The following CTNNA2 variants were observed in gnomAD, a reference collection of about 807,000 sequenced individuals.
CTNNA2 encodes catenin alpha-2.
Under a neutral mutation model 101.0 loss-of-function variants are expected in CTNNA2, and 42 were observed. That is an observed-to-expected ratio of 0.42 (90% CI 0.32 to 0.54). The LOEUF is 0.54. CTNNA2 is among the 20% of genes least tolerant of loss of function. The pLI, the probability that CTNNA2 is intolerant of heterozygous loss-of-function variation, is 0.14. For synonymous variants in CTNNA2, 450 were observed against 456.4 expected, an observed-to-expected ratio of 0.99 and a Z score of 0.18; for missense variants, 871 against 1,223.1, an observed-to-expected ratio of 0.71 and a Z score of 4.29.
chr2:79,969,404 C>T (rs1056524421), intron 7 of CTNNA2, among the ~76,000 whole-genome samples: 6 of 152,206 alleles, frequency 3.9e-5, no homozygotes, highest in Non-Finnish European at 8.8e-5. Context: ...AGCTAATTCA[C>T]TAAGCACTTT....
chr2:80,427,008 G>T (rs1002218538), intron 9 of CTNNA2, among the ~76,000 whole-genome samples: 2 of 152,118 alleles, frequency 1.3e-5, no homozygotes, highest in Admixed American at 1.3e-4. Context: ...CTGTATGCTA[G>T]TTCTTCTGCT....
At chr2:80,014,800 C>T (rs1232912760) in intron 7 of CTNNA2, among the ~76,000 whole-genome samples, 1 of 152,204 alleles carries the variant, frequency 6.6e-6, no homozygotes, top group Non-Finnish European at 1.5e-5. Context: ...AATAGATGCA[C>T]TGAATGAGAT....
chr2:80,627,141 T>C (rs75680624), intron 18 of CTNNA2, among the ~76,000 whole-genome samples: 8,139 of 152,002 alleles, frequency 0.054, 725 homozygotes, highest in African/African-American at 0.18. Context: ...TGGTTCCAAG[T>C]CTTTGCTATT....
intron 7 of CTNNA2, among the ~76,000 whole-genome samples, chr2:80,187,479 A>G (rs879097214): frequency 1.8e-4 from 28 of 152,364 alleles, no homozygotes; most frequent in Admixed American, 1.4e-3. Flanking sequence ...TATGTTGCTC[A>G]TCTATACTTC....
intron 3 of CTNNA2, among the ~76,000 whole-genome samples, chr2:79,336,277 C>G (rs537846588): frequency 2.0e-5 from 3 of 152,260 alleles, no homozygotes; most frequent in Non-Finnish European, 4.4e-5. Flanking sequence ...GCTGCCATGG[C>G]GGGACAATAG....
chr2:80,053,946 T>C (rs1009773062), intron 7 of CTNNA2, among the ~76,000 whole-genome samples: 4 of 152,260 alleles, frequency 2.6e-5, no homozygotes, highest in Non-Finnish European at 4.4e-5. Flanking sequence ...TCAGTATCAA[T>C]AAACAGAAAT....
At chr2:80,284,650 A>C (rs1185603123) in intron 7 of CTNNA2, among the ~76,000 whole-genome samples, 1 of 151,948 alleles carries the variant, frequency 6.6e-6, no homozygotes. Flanking sequence ...ATCTCTGAGA[A>C]TTCCTCAAAT....
intron 2 of CTNNA2, among the ~76,000 whole-genome samples, chr2:79,262,165 GA>G (rs1001791516): frequency 5.3e-4 from 80 of 152,134 alleles, no homozygotes; most frequent in Non-Finnish European, 1.0e-3. Context: ...TGAAGGTGGG[GA>G]AAAAATACAA....
chr2:80,270,313 A>G (rs956451782), intron 7 of CTNNA2, among the ~76,000 whole-genome samples: 1 of 152,016 alleles, frequency 6.6e-6, no homozygotes, highest in Non-Finnish European at 1.5e-5. Context: ...TCTTTCCAAT[A>G]TTTTGTAACT....
chr2:79,571,672 T>C (rs1170794795), intron 1 of CTNNA2, among the ~76,000 whole-genome samples: 1 of 152,156 alleles, frequency 6.6e-6, no homozygotes, highest in Non-Finnish European at 1.5e-5. Context: ...CCTTCAATAA[T>C]TCCCCATAGC....
chr2:79,551,545 C>T (rs1674100422), intron 1 of CTNNA2, among the ~76,000 whole-genome samples: 2 of 152,160 alleles, frequency 1.3e-5, no homozygotes, highest in African/African-American at 2.4e-5. Context: ...TGGAGACAAG[C>T]TGTCAATTTA....
At chr2:80,554,000 T>C (rs561689311) in intron 11 of CTNNA2, among the ~76,000 whole-genome samples, 251 of 152,322 alleles carry the variant, frequency 1.6e-3, no homozygotes, top group African/African-American at 5.8e-3. Flanking sequence ...ATTATTTTTC[T>C]ATTCTAATTT....
chr2:79,824,606 A>G (rs932245949), intron 3 of CTNNA2, among the ~76,000 whole-genome samples: 7 of 152,074 alleles, frequency 4.6e-5, no homozygotes, highest in Non-Finnish European at 1.0e-4. Context: ...TGCTTTTTCA[A>G]CTTATGTAAA....
intron 2 of CTNNA2, among the ~76,000 whole-genome samples, chr2:79,246,195 A>G (rs1281215132): frequency 2.0e-5 from 3 of 152,064 alleles, no homozygotes; most frequent in Non-Finnish European, 4.4e-5. Flanking sequence ...GCTGGGTCTC[A>G]TTTTCTACAC....
At chr2:80,019,550 C>T (rs1057447027) in intron 7 of CTNNA2, among the ~76,000 whole-genome samples, 8 of 152,168 alleles carry the variant, frequency 5.3e-5, no homozygotes, top group African/African-American at 1.9e-4. Context: ...ATTTTTCAAG[C>T]CAAAATGTGA....
Position 80,580,386 on chromosome 2 carries a change from C to T in CTNNA2, c.1894-1320C>T, listed in dbSNP as rs115938938. Among the ~76,000 whole-genome samples, 252 of 152,238 alleles carry T rather than the reference C, an allele frequency of 1.7e-3. 2 individuals carry two copies. Among genetic ancestry groups the T allele is most frequent in the African/African-American group, 5.9e-3 (244 of 41,562 alleles). ...TTGATCTAACTCTACTCTTTTTAAG[C>T]AATTTTATAACTTCAGTTCTTGCTA... is the stretch of plus-strand genomic sequence containing the variant. On this transcript the variant is annotated intron_variant, in intron 13 of 18. Coordinates refer to ENST00000402739, the MANE Select transcript of CTNNA2 (RefSeq NM_001282597.3).
intron 7 of CTNNA2, among the ~76,000 whole-genome samples, chr2:80,301,000 A>T (rs1045218763): frequency 9.2e-5 from 14 of 152,054 alleles, no homozygotes; most frequent in Non-Finnish European, 1.9e-4. Flanking sequence ...ATCTGAGAAG[A>T]GGCAGCTTTT....
chr2:80,429,149 C>CCCTA (rs1418990358), intron 9 of CTNNA2, among the ~76,000 whole-genome samples: 1 of 152,070 alleles, frequency 6.6e-6, no homozygotes, highest in Non-Finnish European at 1.5e-5. Context: ...AATTCTTAAA[C>CCCTA]CCTACCATAT....
intron 4 of CTNNA2, among the ~76,000 whole-genome samples, chr2:79,434,595 G>A (rs947038519): frequency 5.9e-5 from 9 of 152,184 alleles, no homozygotes; most frequent in African/African-American, 2.2e-4. Flanking sequence ...GGCTGGAGGG[G>A]CAAGGTCTAT....
Sources: gnomAD v4.1 joint callset for allele counts (sites outside exome capture counted in the v4.1 genomes callset) on GRCh38, gnomAD v4.1.1 for gene constraint, MANE v1.5 for transcripts, NCBI Gene and HGNC (gene_info 2026-07-23, HGNC 2026-07-21) for gene names.